The following MORN5 variants were observed in gnomAD, a reference collection of about 807,000 sequenced individuals.
MORN5 encodes MORN repeat-containing protein 5.
In MORN5, 21 loss-of-function variants were observed where a neutral mutation model predicts 22.1. That is an observed-to-expected ratio of 0.95 (90% CI 0.67 to 1.37). The LOEUF (loss-of-function observed/expected upper bound fraction) is 1.37, where lower values mean the gene tolerates loss of function less well. Ranked by LOEUF, MORN5 falls within the 40% of genes most tolerant of loss-of-function variation. The probability of loss-of-function intolerance (pLI) is 0.00; values close to 1 mark genes in which losing one functional copy is unlikely to be tolerated. For missense variants in MORN5, 211 were observed against 215.1 expected, an observed-to-expected ratio of 0.98 and a Z score of 0.12; for synonymous variants, 73 against 74.0, an observed-to-expected ratio of 0.99 and a Z score of 0.07.
chr9:122,180,993 G>A (rs1015689697), intron 4 of MORN5, among the ~76,000 whole-genome samples: 15 of 152,208 alleles, frequency 9.9e-5, no homozygotes, highest in East Asian at 3.8e-4. Flanking sequence ...TAGGTCCCTC[G>A]TATTGTTCAA....
chr9:122,163,085 A>C (rs935407236), intron 1 of MORN5, among the ~76,000 whole-genome samples: 2 of 152,126 alleles, frequency 1.3e-5, no homozygotes, highest in African/African-American at 4.8e-5. Context: ...TCTGACCTCA[A>C]TATTATGGTT....
chr9:122,162,328 CT>C (rs1278216874), intron 1 of MORN5, among the ~76,000 whole-genome samples: 1 of 152,244 alleles, frequency 6.6e-6, no homozygotes, highest in South Asian at 2.1e-4. Flanking sequence ...AGTAACCTCT[CT>C]ATACAGTAGG....
intron 4 of MORN5, among the ~76,000 whole-genome samples, chr9:122,186,254 A>T (rs763807760): frequency 1.7e-3 from 265 of 152,282 alleles, no homozygotes; most frequent in Non-Finnish European, 2.8e-3. Context: ...AGATGCAGAA[A>T]CTGAGGCTCT....
chr9:122,194,538 A>C (rs1194950186), intron 4 of MORN5, among the ~76,000 whole-genome samples: 2 of 152,186 alleles, frequency 1.3e-5, no homozygotes, highest in Non-Finnish European at 2.9e-5. Context: ...GATGCCGAGA[A>C]GGGGGTGCAT....
chr9:122,200,022 G>C lies in MORN5; in HGVS notation c.*91G>C. ...CTGCCCTACTAGCATTGGCTGCCCT[G>C]GGGGACGGGCTGTAGTTCTAGAACC... On this transcript the variant is annotated 3_prime_UTR_variant, in exon 5 of 5. Coordinates refer to ENST00000373764, the MANE Select transcript of MORN5 (RefSeq NM_198469.4). 7.7e-7 allele frequency: 1 copy of C among 1,295,152 alleles called. No homozygotes were observed. Among genetic ancestry groups the C allele is most frequent in the South Asian group, 1.2e-5 (1 of 84,120 alleles). The allele number at this position is 1,295,152 out of a possible 1,614,324, so 80.2% of individuals were successfully genotyped here.
rs574292161 is a variant in MORN5, at chr9:122,190,633, A to T, written c.440-9252A>T. ...TTGTGGGTGCTTGGCCCAGCCCTCC[A>T]CCCAGCCCAGAAGATGCTCTTCTAT... On this transcript the variant is annotated intron_variant, in intron 4 of 4. Coordinates refer to ENST00000373764, the MANE Select transcript of MORN5 (RefSeq NM_198469.4). 1.2e-4 allele frequency among the ~76,000 whole-genome samples: 18 copies of T among 152,344 alleles called. No individual in the cohort carries two copies. In the East Asian group the frequency reaches 3.3e-3, roughly 28 times the overall value.
At chr9:122,192,468 G>A (rs569714287) in intron 4 of MORN5, among the ~76,000 whole-genome samples, 14 of 152,298 alleles carry the variant, frequency 9.2e-5, no homozygotes, top group East Asian at 1.9e-4. Context: ...CCCTCCCTGC[G>A]AATCCTCTGA....
chr9:122,175,345 G>T, intron 4 of MORN5: 1 of 480,444 alleles, frequency 2.1e-6, no homozygotes, highest in Non-Finnish European at 2.7e-6. Context: ...CCTTTAGCCA[G>T]GGGAGTAGGT....
At position 122,169,656 on chromosome 9, in the gene MORN5, G is replaced by A. The variant is rs149599874; in HGVS notation, c.207G>A (p.Thr69=). 3.7e-5 allele frequency: 59 copies of A among 1,613,386 alleles called. No individual in the cohort carries two copies. In the African/African-American group the frequency reaches 6.3e-4, roughly 17 times the overall value. Reference sequence around the variant, plus strand: ...TCCTTGTCTTCCAGGGCACATATACGTTCTCAGATGGGCTGCACTATGATG... The same window carrying A: ...TCCTTGTCTTCCAGGGCACATATACATTCTCAGATGGGCTGCACTATGATG... ...ENGLAIKGTY[T]FSDGLHYDEK... is the part of the protein sequence containing the mutation. Residue 69 remains threonine (T), a synonymous_variant, in exon 3 of 5, where the codon ACG becomes ACA. Coordinates refer to ENST00000373764, the MANE Select transcript of MORN5 (RefSeq NM_198469.4).
intron 4 of MORN5, among the ~76,000 whole-genome samples, chr9:122,181,287 TACCC>T (rs1159747511): frequency 2.6e-5 from 4 of 152,210 alleles, no homozygotes; most frequent in African/African-American, 9.6e-5. Context: ...TCATTTCTGG[TACCC>T]GCCTTAAAGC....
intron 4 of MORN5, among the ~76,000 whole-genome samples, chr9:122,181,301 C>A (rs1316404934): frequency 6.6e-6 from 1 of 152,154 alleles, no homozygotes; most frequent in East Asian, 1.9e-4. Context: ...CGCCTTAAAG[C>A]CTTTGAGCTC....
chr9:122,192,238 T>G (rs1829786691), intron 4 of MORN5, among the ~76,000 whole-genome samples: 1 of 152,244 alleles, frequency 6.6e-6, no homozygotes. Context: ...ACAAGTTAAC[T>G]TCTGGCGTTT....
At chr9:122,167,824 G>A (rs192092061) in intron 2 of MORN5, among the ~76,000 whole-genome samples, 7,185 of 152,242 alleles carry the variant, frequency 0.047, 262 homozygotes, top group African/African-American at 0.085. Context: ...TCCATCCAGA[G>A]GCTCTACGGG....
At chr9:122,164,350 G>A (rs1829245889) in intron 1 of MORN5, among the ~76,000 whole-genome samples, 1 of 152,180 alleles carries the variant, frequency 6.6e-6, no homozygotes, top group African/African-American at 2.4e-5. Flanking sequence ...CCAGTAAGAG[G>A]CAGCAGAACC....
At chr9:122,199,811 C>A (rs1168348337) in intron 4 of MORN5, 74 bp from the exon 5 acceptor site, 3 of 1,514,842 alleles carry the variant, frequency 2.0e-6, no homozygotes, top group Non-Finnish European at 2.8e-6. Flanking sequence ...CAACGCCCCA[C>A]CTGGGGAACC....
chr9:122,180,983 T>C (rs1829530652), intron 4 of MORN5, among the ~76,000 whole-genome samples: 1 of 152,262 alleles, frequency 6.6e-6, no homozygotes, highest in African/African-American at 2.4e-5. Flanking sequence ...CACCTGCTCC[T>C]AGGTCCCTCG....
At chr9:122,189,755 C>T (rs962729571) in intron 4 of MORN5, among the ~76,000 whole-genome samples, 7 of 152,028 alleles carry the variant, frequency 4.6e-5, no homozygotes, top group Admixed American at 2.6e-4. Flanking sequence ...CACAGGTGCC[C>T]GCCACCACGC....
At chr9:122,166,238 G>C (rs1390506085) in intron 1 of MORN5, among the ~76,000 whole-genome samples, 2 of 151,644 alleles carry the variant, frequency 1.3e-5, no homozygotes, top group African/African-American at 4.9e-5. Context: ...TTCCCGATGA[G>C]ATTTGGGTGG....
intron 4 of MORN5, among the ~76,000 whole-genome samples, chr9:122,188,323 CT>C (rs776765945): frequency 4.0e-4 from 61 of 152,366 alleles, no homozygotes; most frequent in Non-Finnish European, 8.4e-4. Context: ...ACACCTTCAC[CT>C]CTGAGCCTCA....
Sources: allele counts gnomAD v4.1 joint callset (sites outside exome capture counted in the v4.1 genomes callset), GRCh38; gene constraint gnomAD v4.1.1; transcripts MANE v1.5; gene names NCBI Gene and HGNC (gene_info 2026-07-23, HGNC 2026-07-21).